Variants in NGLY1 observed in about 807,000 individuals in gnomAD.
NGLY1 encodes peptide-N(4)-(N-acetyl-beta-glucosaminyl)asparagine amidase.
Under a neutral mutation model 84.6 loss-of-function variants are expected in NGLY1, and 68 were observed. That is an observed-to-expected ratio of 0.80 (90% confidence interval 0.66 to 0.98). The LOEUF (loss-of-function observed/expected upper bound fraction) is 0.98. Among genes scored for constraint, NGLY1 ranks in the 50% least tolerant of loss-of-function variants. NGLY1 has a pLI of 0.00. For synonymous variants in NGLY1, 280 were observed against 275.2 expected (o/e 1.02, Z -0.17); for missense variants, 779 against 770.2 (o/e 1.01, Z -0.14).
Position 25,737,291 on chromosome 3 carries a change from C to A in NGLY1, c.1003+43G>T. ...CAGAATGTAAACCCAAACCTGCAAG[C>A]CTGCAAAGCCCTACTACCCTCTGCT... On this transcript the variant is annotated intron_variant, in intron 6 of 11. Coordinates refer to ENST00000280700, the MANE Select transcript of NGLY1 (RefSeq NM_018297.4). The A allele has an allele frequency of 2.7e-6, 4 of 1,508,312 alleles. No individual in the cohort carries two copies. The South Asian group carries it at 3.8e-5, about 14-fold the overall frequency. 93.4% of individuals were successfully genotyped at this position (1,508,312 alleles called of 1,614,324 possible).
At chr3:25,755,341 G>A (rs1706984323) in intron 3 of NGLY1, 2 of 1,324,714 alleles carry the variant, frequency 1.5e-6, no homozygotes, top group Non-Finnish European at 1.1e-6. Context: ...CTAACCAAGG[G>A]AGGCTAGTTC....
chr3:25,737,446 G>T lies in NGLY1; in HGVS notation c.891C>A (p.Asn297Lys). Residue 297 changes from asparagine (N) to lysine (K), a missense_variant, in exon 6 of 12, where the codon AAC becomes AAA. Asn to Lys is a moderately conservative substitution (Grantham distance 94). Transcript: ENST00000280700. ...QFSNRFPRYNNPEKLLETRCG... is the reference protein window; with the variant it reads ...QFSNRFPRYNKPEKLLETRCG... ...ATCTTGTTTCCAAAAGTTTCTCAGG[G>T]TTATTATATCTGGTTTAAAAAGAAA... The T allele has an allele frequency of 6.2e-7, 1 of 1,601,584 alleles. No individual in the cohort carries two copies.
At chr3:25,734,153 C>G in intron 7 of NGLY1, 171 bp from the exon 8 acceptor site, 1 of 761,994 alleles carries the variant, frequency 1.3e-6, no homozygotes, top group Non-Finnish European at 2.0e-6. Context: ...TGCAGTCTCA[C>G]TTCCCAGGGT....
chr3:25,738,139 G>A (rs1002916928), intron 5 of NGLY1, among the ~76,000 whole-genome samples: 18 of 152,134 alleles, frequency 1.2e-4, no homozygotes, highest in African/African-American at 4.3e-4. Context: ...TAGGCAATTT[G>A]CCTAAAGCAT....
At chr3:25,770,863 G>A (rs1457570512) in intron 2 of NGLY1, among the ~76,000 whole-genome samples, 3 of 151,986 alleles carry the variant, frequency 2.0e-5, no homozygotes, top group African/African-American at 7.2e-5. Context: ...TTTCAGAACT[G>A]CCTATTCATG....
At chr3:25,765,493 C>T (rs1707519294) in intron 2 of NGLY1, among the ~76,000 whole-genome samples, 1 of 150,100 alleles carries the variant, frequency 6.7e-6, no homozygotes, top group Non-Finnish European at 1.5e-5. Context: ...GTCTGTAGTA[C>T]ACAGACCTGC....
intron 1 of NGLY1, among the ~76,000 whole-genome samples, chr3:25,781,638 A>C (rs1559562356): frequency 6.6e-6 from 1 of 152,234 alleles, no homozygotes. Context: ...CGGAGGTTGC[A>C]GTGAGTCAAG....
At chr3:25,747,552 G>C (rs941183250) in intron 4 of NGLY1, among the ~76,000 whole-genome samples, 1 of 152,142 alleles carries the variant, frequency 6.6e-6, no homozygotes, top group Admixed American at 6.5e-5. Flanking sequence ...TGGTCAAATG[G>C]TTAAAAAAGG....
At chr3:25,736,354 A>C (rs1705823011) in intron 6 of NGLY1, 1 of 1,551,518 alleles carries the variant, frequency 6.4e-7, no homozygotes, top group Non-Finnish European at 8.7e-7. Flanking sequence ...ATGTTTTTCC[A>C]ATCTCCTTTA....
chr3:25,733,489 G>A (rs1023772420), intron 8 of NGLY1, among the ~76,000 whole-genome samples: 4 of 148,586 alleles, frequency 2.7e-5, no homozygotes, highest in African/African-American at 1.0e-4. Flanking sequence ...GTGTGTGTGT[G>A]TGTGTGTGTG....
At chr3:25,781,550 A>G (rs1708418531) in intron 1 of NGLY1, among the ~76,000 whole-genome samples, 1 of 152,176 alleles carries the variant, frequency 6.6e-6, no homozygotes, top group Non-Finnish European at 1.5e-5. Context: ...TTAATTTCTC[A>G]GCATTATTCC....
upstream of NGLY1, among the ~76,000 whole-genome samples, chr3:25,785,061 CA>C (rs2125334355): frequency 7.9e-6 from 1 of 126,978 alleles, no homozygotes; most frequent in South Asian, 2.6e-4. Flanking sequence ...GCTCCACAGA[CA>C]ATACTTGAAA....
At chr3:25,722,190 C>A (rs2125446700) in intron 10 of NGLY1, among the ~76,000 whole-genome samples, 1 of 151,162 alleles carries the variant, frequency 6.6e-6, no homozygotes, top group Non-Finnish European at 1.5e-5. Context: ...GCACTCCAGC[C>A]CGGGTGACAG....
intron 6 of NGLY1, 150 bp downstream of exon 6, chr3:25,737,184 A>G: frequency 1.7e-6 from 1 of 576,388 alleles, no homozygotes; most frequent in Admixed American, 3.6e-5. Flanking sequence ...AAAACCTGGA[A>G]GGTTGGTATT....
At chr3:25,755,548 C>T in intron 3 of NGLY1, 1 of 1,420,788 alleles carries the variant, frequency 7.0e-7, no homozygotes, top group Non-Finnish European at 1.0e-6. Flanking sequence ...AATGTTCCAA[C>T]TAATCCCTCA....
intron 3 of NGLY1, among the ~76,000 whole-genome samples, chr3:25,751,851 T>C (rs543202992): frequency 1.9e-3 from 295 of 152,300 alleles, no homozygotes; most frequent in Non-Finnish European, 3.5e-3. Flanking sequence ...TCTCGGCTTC[T>C]CCCTCCTTGT....
At chr3:25,771,276 T>TCTTA (rs2125306132) in intron 2 of NGLY1, among the ~76,000 whole-genome samples, 1 of 152,354 alleles carries the variant, frequency 6.6e-6, no homozygotes, top group East Asian at 1.9e-4. Context: ...TTACCAATTA[T>TCTTA]CCTAGCACCA....
At chr3:25,746,423 C>T (rs1706435140) in intron 4 of NGLY1, among the ~76,000 whole-genome samples, 1 of 152,216 alleles carries the variant, frequency 6.6e-6, no homozygotes, top group African/African-American at 2.4e-5. Flanking sequence ...CTTAAATACA[C>T]ATACTCCAAT....
At chr3:25,734,690 C>T (rs1468410785) in intron 7 of NGLY1, 2 of 698,548 alleles carry the variant, frequency 2.9e-6, no homozygotes, top group African/African-American at 3.8e-5. Context: ...CCAGCCTGGG[C>T]AAGAGGGTGA....
Sources: allele counts gnomAD v4.1 joint callset (sites outside exome capture counted in the v4.1 genomes callset), GRCh38; gene constraint gnomAD v4.1.1; transcripts MANE v1.5; gene names NCBI Gene and HGNC (gene_info 2026-07-23, HGNC 2026-07-21).